CMPK2: variants seen among roughly 807,000 people sequenced by gnomAD.
CMPK2 encodes the protein UMP-CMP kinase 2, mitochondrial.
A neutral mutation model predicts 33.4 loss-of-function variants in CMPK2; 32 were observed. That is an observed-to-expected ratio of 0.96 (90% CI 0.72 to 1.29). CMPK2 has a LOEUF of 1.29. CMPK2 is among the 50% of genes most tolerant of loss of function. The pLI is 0.00. For synonymous variants in CMPK2, 299 were observed against 275.3 expected (o/e 1.09, Z -0.85); for missense variants, 672 against 616.0 (o/e 1.09, Z -0.96).
At chr2:6,862,922 T>A (rs141747205) in intron 2 of CMPK2, among the ~76,000 whole-genome samples, 2 of 152,336 alleles carry the variant, frequency 1.3e-5, no homozygotes, top group African/African-American at 4.8e-5. Flanking sequence ...CTGCCCCTTT[T>A]GTACTTTGGT....
rs772493216 is a variant in CMPK2, at chr2:6,865,039, G to T, written c.658C>A (p.Arg220=). 379 of 1,429,446 alleles carry T rather than the reference G, an allele frequency of 2.7e-4. 1 individual carries two copies. Among genetic ancestry groups the T allele is most frequent in the Non-Finnish European group, 3.4e-4 (366 of 1,089,210 alleles). 88.5% of individuals were successfully genotyped at this position (1,429,446 alleles called of 1,614,324 possible). Residue 220 remains arginine (R), a synonymous_variant, in exon 1 of 5, where the codon CGG becomes AGG. Transcript: ENST00000256722. ...SVVFPDREAA[R]AVLEECTSFI... The stretch of plus-strand genomic sequence containing the variant: ...ACTCTTACCTCCTCCAAAACGGCCC[G>T]GGCGGCTTCCCGGTCCGGGAAGACC...
upstream of CMPK2, chr2:6,866,412 TTGCACACACTCACCTG>T: frequency 1.0e-6 from 1 of 983,190 alleles, no homozygotes; most frequent in Non-Finnish European, 1.2e-6. Flanking sequence ...ACACTCACCT[TTGCACACACTCACCTG>T]TGCACAAGCT....
chr2:6,865,548 T>C lies in CMPK2; in HGVS notation c.149A>G (p.Asp50Gly). 2 of 1,309,598 alleles carry C rather than the reference T, an allele frequency of 1.5e-6. No individual in the cohort carries two copies. The highest frequency in any genetic ancestry group is 1.9e-6 in the Non-Finnish European group (2 of 1,034,006). The allele number at this position is 1,309,598 out of a possible 1,614,324, so 81.1% of individuals were successfully genotyped here. A position where few individuals can be genotyped will look rare whatever the true frequency, so the allele number is the denominator to read the frequency against. Residue 50 changes from aspartate to glycine, a missense_variant, in exon 1 of 5, where the codon GAC becomes GGC. Asp to Gly is a moderately conservative substitution (Grantham distance 94). Transcript: ENST00000256722. ...GGGGGCGTCTGCGTCGCCGGGGGCG[T>C]CGGCGCCTAGGGCGAAGTGAGCCAG... ...CTLAHFALGA[D>G]APGDADAPDP...
intron 3 of CMPK2, among the ~76,000 whole-genome samples, chr2:6,852,233 G>T (rs1309496767): frequency 6.6e-6 from 1 of 152,186 alleles, no homozygotes; most frequent in African/African-American, 2.4e-5. Flanking sequence ...AATATGCCCT[G>T]CCCAGCTCCA....
intron 3 of CMPK2, 111 bp downstream of exon 3, chr2:6,861,073 C>T (rs754786302): frequency 5.6e-6 from 5 of 892,594 alleles, no homozygotes; most frequent in South Asian, 3.3e-5. Flanking sequence ...AATTTTTTTC[C>T]TGGCATATAC....
At chr2:6,863,032 T>C (rs1662928405) in intron 2 of CMPK2, among the ~76,000 whole-genome samples, 1 of 152,164 alleles carries the variant, frequency 6.6e-6, no homozygotes, top group Admixed American at 6.5e-5. Flanking sequence ...TCCAGAAGAA[T>C]CTCTGAATTG....
chr2:6,865,758 C>A lies in CMPK2; in HGVS notation c.-62G>T. 7.9e-7 allele frequency: 1 copy of A among 1,272,128 alleles called. No individual in the cohort carries two copies. The highest frequency in any genetic ancestry group is 1.6e-5 in the African/African-American group (1 of 63,866). 78.8% of individuals were successfully genotyped at this position (1,272,128 alleles called of 1,614,324 possible). On this transcript the variant is annotated 5_prime_UTR_variant, in exon 1 of 5. Transcript: ENST00000256722. ...GAAACGAAACCTGGCGGGAGCCAGG[C>A]GCCGGCGGGAAACGAAACCCGGAGG...
chr2:6,849,664 G>C lies in CMPK2; in HGVS notation c.*186C>G. 8 of 1,433,812 alleles carry C rather than the reference G, an allele frequency of 5.6e-6. No individual in the cohort carries two copies. The highest frequency in any genetic ancestry group is 6.3e-6 in the Non-Finnish European group (7 of 1,102,480). 88.8% of individuals were successfully genotyped at this position (1,433,812 alleles called of 1,614,324 possible). A position where few individuals can be genotyped will look rare whatever the true frequency, so the allele number is the denominator to read the frequency against. ...GGAACATGATGAGAGGGACCTTTGTGATGACGGGTCCATCAGTCAGAAGAG... is the reference window on the plus strand; with the variant it reads ...GGAACATGATGAGAGGGACCTTTGTCATGACGGGTCCATCAGTCAGAAGAG... On this transcript the variant is annotated 3_prime_UTR_variant, in exon 5 of 5. Transcript: ENST00000256722.
At chr2:6,853,028 C>A (rs922548627) in intron 3 of CMPK2, among the ~76,000 whole-genome samples, 4 of 152,212 alleles carry the variant, frequency 2.6e-5, no homozygotes, top group African/African-American at 9.7e-5. Context: ...CAGCTCACTG[C>A]AACCTTTGCT....
chr2:6,865,634 C>G lies in CMPK2; in HGVS notation c.63G>C (p.Gly21=). Residue 21 remains glycine, a synonymous_variant, in exon 1 of 5, where the codon GGG becomes GGC. Coordinates refer to ENST00000256722, the MANE Select transcript of CMPK2 (RefSeq NM_207315.4). ...PLSGPLLGRR[G]VCAGAMAPPR... Reference sequence around the variant, plus strand: ...GCGGAGCCATGGCCCCAGCGCAGACCCCGCGCCGCCCGAGCAGCGGCCCCG... The same window carrying G: ...GCGGAGCCATGGCCCCAGCGCAGACGCCGCGCCGCCCGAGCAGCGGCCCCG... 2 of 1,355,754 alleles carry G rather than the reference C, an allele frequency of 1.5e-6. No individual in the cohort carries two copies. Among genetic ancestry groups the G allele is most frequent in the Admixed American group, 3.4e-5 (1 of 29,428 alleles). The allele number at this position is 1,355,754 out of a possible 1,614,324, so 84.0% of individuals were successfully genotyped here.
rs758725145 is a variant in CMPK2, at chr2:6,863,422, G to T, written c.790+42C>A. 3.3e-5 allele frequency: 50 copies of T among 1,519,262 alleles called. No individual in the cohort carries two copies. The South Asian group carries it at 5.6e-4, about 17-fold the overall frequency. The allele number at this position is 1,519,262 out of a possible 1,614,324, so 94.1% of individuals were successfully genotyped here. On this transcript the variant is annotated intron_variant, in intron 2 of 4. Transcript: ENST00000256722. The stretch of plus-strand genomic sequence containing the variant: ...GTATTTCTGTTTCTGCAACTAATCA[G>T]TTAGTGTCATTGCCTATAACTAAAA...
At position 6,849,025 on chromosome 2, in the gene CMPK2, T is replaced by A; in HGVS notation, c.*825A>T. On this transcript the variant is annotated 3_prime_UTR_variant, in exon 5 of 5. Coordinates refer to ENST00000256722, the MANE Select transcript of CMPK2 (RefSeq NM_207315.4). ...GCTGAGGAAACATATTATGTATAGA[T>A]TAATATAAATAAATTACTGGATTGG... The A allele has an allele frequency of 1.0e-6, 1 of 981,104 alleles. No homozygotes were observed. Among genetic ancestry groups the A allele is most frequent in the Non-Finnish European group, 1.2e-6 (1 of 825,670 alleles). The allele number at this position is 981,104 out of a possible 1,614,324, so 60.8% of individuals were successfully genotyped here.
rs1052562758 is a variant in CMPK2, at chr2:6,865,851, G to A, written c.-155C>T. On this transcript the variant is annotated 5_prime_UTR_variant, in exon 1 of 5. Coordinates refer to ENST00000256722, the MANE Select transcript of CMPK2 (RefSeq NM_207315.4). ...AAACGAAAGCCGGAGGCCCAGGCGG[G>A]GCAGGAGCCCTGGGGCTGGGGCGCC... The A allele has an allele frequency of 3.0e-6, 4 of 1,321,570 alleles. No homozygotes were observed. The highest frequency in any genetic ancestry group is 1.6e-5 in the African/African-American group (1 of 63,930). 81.9% of individuals were successfully genotyped at this position (1,321,570 alleles called of 1,614,324 possible).
chr2:6,854,137 T>C (rs1662615243), intron 3 of CMPK2, among the ~76,000 whole-genome samples: 1 of 152,176 alleles, frequency 6.6e-6, no homozygotes, highest in Admixed American at 6.5e-5. Context: ...AAAAGCCAAT[T>C]AGGGTCTCAG....
intron 3 of CMPK2, among the ~76,000 whole-genome samples, chr2:6,853,878 G>T (rs1487064304): frequency 6.6e-6 from 1 of 152,016 alleles, no homozygotes; most frequent in Non-Finnish European, 1.5e-5. Flanking sequence ...CTCCAGCCTG[G>T]GCAACAGAGC....
intron 3 of CMPK2, 92 bp from the exon 4 acceptor site, chr2:6,851,775 T>C: frequency 8.3e-7 from 1 of 1,201,438 alleles, no homozygotes; most frequent in Non-Finnish European, 1.2e-6. Context: ...AAACCAGGGT[T>C]GGCTCTACAG....
chr2:6,841,080 G>C (rs1662218496), intron 3 of CMPK2, among the ~76,000 whole-genome samples: 1 of 152,052 alleles, frequency 6.6e-6, no homozygotes, highest in Non-Finnish European at 1.5e-5. Flanking sequence ...CAATGAAGAT[G>C]GTATTGTATG....
At chr2:6,850,302 C>G (rs563587875) in intron 4 of CMPK2, among the ~76,000 whole-genome samples, 1 of 152,290 alleles carries the variant, frequency 6.6e-6, no homozygotes, top group African/African-American at 2.4e-5. Flanking sequence ...AACTGAAGCT[C>G]AAAGAATTTA....
At chr2:6,841,544 T>C (rs189432695) in intron 3 of CMPK2, among the ~76,000 whole-genome samples, 26 of 152,340 alleles carry the variant, frequency 1.7e-4, no homozygotes, top group African/African-American at 6.3e-4. Context: ...AACTTTCCAC[T>C]GACTGGAGAC....
Sources: gnomAD v4.1 joint callset for allele counts (sites outside exome capture counted in the v4.1 genomes callset) on GRCh38, gnomAD v4.1.1 for gene constraint, MANE v1.5 for transcripts, NCBI Gene and HGNC (gene_info 2026-07-23, HGNC 2026-07-21) for gene names.